SNTG1: variants seen among roughly 807,000 people sequenced by gnomAD.
SNTG1 encodes the protein gamma-1-syntrophin.
Under a neutral mutation model 74.7 loss-of-function variants are expected in SNTG1, and 39 were observed. That is an observed-to-expected ratio of 0.52 (90% confidence interval 0.40 to 0.68). The LOEUF (loss-of-function observed/expected upper bound fraction) is 0.68, where lower values mean the gene tolerates loss of function less well. Among genes scored for constraint, SNTG1 ranks in the 30% least tolerant of loss-of-function variants. SNTG1 has a pLI of 0.00. For synonymous variants in SNTG1, 254 were observed against 217.1 expected (o/e 1.17, Z -1.49); for missense variants, 685 against 609.5 (o/e 1.12, Z -1.30).
intron 15 of SNTG1, among the ~76,000 whole-genome samples, chr8:50,701,704 C>A (rs1473020057): frequency 1.4e-5 from 2 of 143,840 alleles, no homozygotes; most frequent in East Asian, 4.1e-4. Flanking sequence ...CTTCCTCTTC[C>A]TCTTCATCTT....
At chr8:50,167,787 T>C (rs1036273422) in intron 1 of SNTG1, among the ~76,000 whole-genome samples, 13 of 143,420 alleles carry the variant, frequency 9.1e-5, no homozygotes, top group African/African-American at 3.1e-4. Context: ...GACCCCAGGC[T>C]GGGCAAGTTT....
At chr8:50,514,688 G>A (rs1042942334) in intron 9 of SNTG1, among the ~76,000 whole-genome samples, 1 of 152,246 alleles carries the variant, frequency 6.6e-6, no homozygotes, top group Non-Finnish European at 1.5e-5. Context: ...CACATAAGAA[G>A]AATGTATATT....
At chr8:50,194,279 T>G (rs957919167) in intron 2 of SNTG1, among the ~76,000 whole-genome samples, 1 of 152,148 alleles carries the variant, frequency 6.6e-6, no homozygotes, top group Non-Finnish European at 1.5e-5. Context: ...GGTAGAATTC[T>G]GCTGTGAATC....
rs1323127789 is a variant in SNTG1 at position 50,065,035 on chromosome 8, A to T, written c.-102-107526A>T. On this transcript the variant is annotated intron_variant, in intron 1 of 18. Transcript: ENST00000642720. Reference sequence around the variant, plus strand: ...GTGATTCCTCAGTAAATGTAGAAGAAAAAATTTAAGAAATATAAAGCCATA... The same window carrying T: ...GTGATTCCTCAGTAAATGTAGAAGATAAAATTTAAGAAATATAAAGCCATA... 2.6e-5 allele frequency among the ~76,000 whole-genome samples: 4 copies of T among 152,354 alleles called. No homozygotes were observed. In the East Asian group the frequency reaches 7.7e-4, roughly 29 times the overall value.
intron 2 of SNTG1, among the ~76,000 whole-genome samples, chr8:50,385,385 T>C (rs1019949513): frequency 1.3e-5 from 2 of 152,174 alleles, no homozygotes; most frequent in African/African-American, 4.8e-5. Flanking sequence ...TTCTTTACCT[T>C]AGAAGGGTAT....
intron 1 of SNTG1, among the ~76,000 whole-genome samples, chr8:50,097,606 C>A (rs886675909): frequency 6.6e-6 from 1 of 151,486 alleles, no homozygotes; most frequent in Non-Finnish European, 1.5e-5. Context: ...GAGCGGAGAT[C>A]GCGCCACAGC....
intron 18 of SNTG1, among the ~76,000 whole-genome samples, chr8:50,781,060 T>C (rs991398582): frequency 4.6e-5 from 7 of 152,232 alleles, no homozygotes; most frequent in African/African-American, 1.7e-4. Flanking sequence ...TGCACTGTGG[T>C]CTGAGAGACA....
chr8:50,477,220 A>C (rs1316383909), intron 8 of SNTG1, among the ~76,000 whole-genome samples: 1 of 152,062 alleles, frequency 6.6e-6, no homozygotes, highest in African/African-American at 2.4e-5. Flanking sequence ...ATGAAGTATG[A>C]AAAGGAGGGG....
chr8:50,258,845 A>T (rs2087011636), intron 2 of SNTG1, among the ~76,000 whole-genome samples: 1 of 152,154 alleles, frequency 6.6e-6, no homozygotes, highest in African/African-American at 2.4e-5. Context: ...TGATGAGATT[A>T]CCAGAAGAGA....
intron 15 of SNTG1, among the ~76,000 whole-genome samples, chr8:50,680,620 T>G (rs2095327140): frequency 6.6e-6 from 1 of 152,154 alleles, no homozygotes; most frequent in East Asian, 1.9e-4. Context: ...AAAATGGTAG[T>G]GGCTCTGTCT....
At chr8:50,561,956 A>G (rs1339233311) in intron 12 of SNTG1, among the ~76,000 whole-genome samples, 2 of 152,190 alleles carry the variant, frequency 1.3e-5, no homozygotes, top group African/African-American at 4.8e-5. Flanking sequence ...TAGGGTCAAA[A>G]TAGTCCTGTG....
At chr8:49,944,181 T>C (rs1808948885) in intron 1 of SNTG1, among the ~76,000 whole-genome samples, 1 of 152,146 alleles carries the variant, frequency 6.6e-6, no homozygotes, top group South Asian at 2.1e-4. Context: ...GTCCCAATTC[T>C]AACACCCATT....
chr8:50,110,720 G>A (rs775963691), intron 1 of SNTG1, among the ~76,000 whole-genome samples: 10 of 151,984 alleles, frequency 6.6e-5, no homozygotes, highest in South Asian at 2.1e-4. Context: ...TGGTCACACT[G>A]TCTTGCAGTT....
At chr8:50,592,637 CATACTCAT>C (rs538191865) in intron 13 of SNTG1, among the ~76,000 whole-genome samples, 8 of 142,584 alleles carry the variant, frequency 5.6e-5, no homozygotes, top group Non-Finnish European at 1.2e-4. Flanking sequence ...TATTCTGACA[CATACTCAT>C]ATGTAAGCAT....
chr8:50,459,008 G>A (rs1029133377), intron 8 of SNTG1, among the ~76,000 whole-genome samples: 1 of 152,146 alleles, frequency 6.6e-6, no homozygotes, highest in African/African-American at 2.4e-5. Context: ...AGGCCATACA[G>A]ACTTACTGCC....
intron 2 of SNTG1, among the ~76,000 whole-genome samples, chr8:50,192,567 T>C (rs2131793486): frequency 6.6e-6 from 1 of 152,232 alleles, no homozygotes; most frequent in Non-Finnish European, 1.5e-5. Flanking sequence ...TTGTCAGATG[T>C]ATAGGTTGTG....
At chr8:49,963,928 T>G (rs1810918529) in intron 1 of SNTG1, among the ~76,000 whole-genome samples, 1 of 152,182 alleles carries the variant, frequency 6.6e-6, no homozygotes. Context: ...AACTTATACA[T>G]AAAGCTCAAA....
At chr8:50,365,491 T>C (rs1270868178) in intron 2 of SNTG1, among the ~76,000 whole-genome samples, 1 of 152,148 alleles carries the variant, frequency 6.6e-6, no homozygotes, top group African/African-American at 2.4e-5. Context: ...CTTTGAAATT[T>C]GCTAGTCAAA....
chr8:50,671,281 T>C (rs1230480669), intron 15 of SNTG1, among the ~76,000 whole-genome samples: 1 of 151,898 alleles, frequency 6.6e-6, no homozygotes. Flanking sequence ...AGAAAATTTT[T>C]GCAACCTACT....
Sources: allele counts gnomAD v4.1 joint callset (sites outside exome capture counted in the v4.1 genomes callset), GRCh38; gene constraint gnomAD v4.1.1; transcripts MANE v1.5; gene names NCBI Gene and HGNC (gene_info 2026-07-23, HGNC 2026-07-21).